The following UTP4 variants were observed in gnomAD, a reference collection of about 807,000 sequenced individuals.
UTP4 encodes the protein UTP4 small subunit processome component.
In UTP4, 45 loss-of-function variants were observed where a neutral mutation model predicts 82.4. That is an observed-to-expected ratio of 0.55 (90% CI 0.43 to 0.70). The LOEUF is 0.70. UTP4 is among the 30% of genes least tolerant of loss of function. The pLI, the probability that UTP4 is intolerant of heterozygous loss-of-function variation, is 0.00. For synonymous variants in UTP4, 348 were observed against 300.3 expected (o/e 1.16, Z -1.64); for missense variants, 819 against 858.3 (o/e 0.95, Z 0.57).
intron 6 of UTP4, among the ~76,000 whole-genome samples, chr16:69,145,073 C>T (rs763888091): frequency 1.5e-4 from 22 of 151,574 alleles, no homozygotes; most frequent in Non-Finnish European, 2.8e-4. Context: ...ACCCGGGAGT[C>T]GGAGGTTGCA....
chr16:69,139,738 CTA>C (rs1436181136), intron 4 of UTP4, 85 bp from the exon 5 acceptor site: 1 of 844,330 alleles, frequency 1.2e-6, no homozygotes, highest in Middle Eastern at 2.2e-4. Context: ...GTAGAACACT[CTA>C]GAGATAGTTG....
intron 6 of UTP4, among the ~76,000 whole-genome samples, chr16:69,150,254 TTCTC>T (rs768088490): frequency 2.6e-5 from 4 of 152,324 alleles, no homozygotes; most frequent in African/African-American, 9.6e-5. Flanking sequence ...CCTAGGTATT[TTCTC>T]TCTCTCAATG....
At chr16:69,135,220 T>C (rs1274341908) in intron 2 of UTP4, among the ~76,000 whole-genome samples, 1 of 152,162 alleles carries the variant, frequency 6.6e-6, no homozygotes, top group Non-Finnish European at 1.5e-5. Context: ...AAGCCACTGC[T>C]TAATGTTTCT....
At chr16:69,156,071 C>T in intron 11 of UTP4, 78 bp downstream of exon 11, 1 of 1,422,042 alleles carries the variant, frequency 7.0e-7, no homozygotes, top group South Asian at 1.1e-5. Context: ...TGGAAATCAA[C>T]TGGATGTGAA....
Position 69,141,420 on chromosome 16 carries a change from C to G in UTP4, c.526+1506C>G, listed in dbSNP as rs1426387378. Among the ~76,000 whole-genome samples, 4 of 152,218 alleles carry G rather than the reference C, an allele frequency of 2.6e-5. No individual in the cohort carries two copies. The East Asian group carries it at 7.7e-4, about 29-fold the overall frequency. On this transcript the variant is annotated intron_variant, in intron 5 of 16. Transcript: ENST00000314423. ...GCCCTGGCTCCGCTGTCTTCCAGCT[C>G]CTCGTATTATTAGCAAGTAAGCTGC...
Position 69,155,898 on chromosome 16 carries a change from A to G in UTP4, c.1192A>G (p.Ile398Val), listed in dbSNP as rs80198404. 2.0e-5 allele frequency: 33 copies of G among 1,614,014 alleles called. No homozygotes were observed. Among genetic ancestry groups the G allele is most frequent in the Non-Finnish European group, 2.8e-5 (33 of 1,179,936 alleles). Residue 398 changes from isoleucine (I) to valine (V), a missense_variant, in exon 11 of 17, where the codon ATC becomes GTC. Coordinates refer to ENST00000314423, the MANE Select transcript of UTP4 (RefSeq NM_032830.3). ...KGPENIICSCISPCGSWIAYS... is the reference protein window; with the variant it reads ...KGPENIICSCVSPCGSWIAYS... ...TCCTGAGAACATTATCTGTAGCTGTATCTCCCCATGTGGAAGTTGGATAGC... is the reference window on the plus strand; with the variant it reads ...TCCTGAGAACATTATCTGTAGCTGTGTCTCCCCATGTGGAAGTTGGATAGC...
In UTP4 at chr16:69,136,717, C is replaced by A; in HGVS notation, c.181C>A (p.Arg61=). Residue 61 remains arginine (R), a synonymous_variant, in exon 3 of 17, where the codon CGG becomes AGG. Transcript: ENST00000314423. The part of the protein sequence containing the change: ...QEKFFPGHES[R]ATEALCWAEG... ...GCAGTTTTTCCCAGGTCATGAGTCTCGGGCTACAGAAGCTTTGTGCTGGGC... is the reference window on the plus strand; with the variant it reads ...GCAGTTTTTCCCAGGTCATGAGTCTAGGGCTACAGAAGCTTTGTGCTGGGC... 6.2e-7 allele frequency: 1 copy of A among 1,613,986 alleles called. No individual in the cohort carries two copies. Among genetic ancestry groups the A allele is most frequent in the Non-Finnish European group, 8.5e-7 (1 of 1,179,920 alleles).
Position 69,132,677 on chromosome 16 carries a change from C to A in UTP4, c.-15C>A. ...GAGAGGCGAGCACCGGGAAGGGGAG[C>A]GTGGGGCCGCTGGTGAGTTGGGGAA... is the stretch of plus-strand genomic sequence containing the variant. On this transcript the variant is annotated 5_prime_UTR_variant, in exon 1 of 17. Coordinates refer to ENST00000314423, the MANE Select transcript of UTP4 (RefSeq NM_032830.3). 3.0e-6 allele frequency: 1 copy of A among 330,950 alleles called. No homozygotes were observed. Among genetic ancestry groups the A allele is most frequent in the Non-Finnish European group, 5.9e-6 (1 of 170,034 alleles). The allele number at this position is 330,950 out of a possible 1,614,324, so 20.5% of individuals were successfully genotyped here. A position where few individuals can be genotyped will look rare whatever the true frequency, so the allele number is the denominator to read the frequency against.
intron 12 of UTP4, among the ~76,000 whole-genome samples, chr16:69,157,549 C>T (rs1963452601): frequency 6.6e-6 from 1 of 152,172 alleles, no homozygotes; most frequent in African/African-American, 2.4e-5. Flanking sequence ...GCAATCCTGA[C>T]ACCCAGAAAT....
At chr16:69,143,103 C>A in intron 5 of UTP4, 75 bp from the exon 6 acceptor site, 1 of 1,489,156 alleles carries the variant, frequency 6.7e-7, no homozygotes, top group Non-Finnish European at 9.4e-7. Flanking sequence ...AGCAGTCCTT[C>A]CACTTTGGCC....
chr16:69,135,984 G>A (rs370009484), intron 2 of UTP4, among the ~76,000 whole-genome samples: 4 of 152,176 alleles, frequency 2.6e-5, no homozygotes, highest in African/African-American at 9.7e-5. Context: ...AGCTGAGATG[G>A]CGCCATTGCA....
chr16:69,143,424 C>A, intron 6 of UTP4, 35 bp downstream of exon 6: 1 of 1,585,532 alleles, frequency 6.3e-7, no homozygotes, highest in Non-Finnish European at 8.7e-7. Flanking sequence ...GGTTGATGTA[C>A]ACCCTTGTGG....
chr16:69,147,178 AAATAATAAT>A (rs59985843), intron 6 of UTP4, among the ~76,000 whole-genome samples: 2,149 of 132,478 alleles, frequency 0.016, 59 homozygotes, highest in South Asian at 0.085. Context: ...CTCCAGCTCA[AAATAATAAT>A]AATAATAATA....
At chr16:69,141,822 CT>C (rs1301721053) in intron 5 of UTP4, among the ~76,000 whole-genome samples, 2 of 150,800 alleles carry the variant, frequency 1.3e-5, no homozygotes, top group Admixed American at 1.3e-4. Context: ...TCTTCTCTTT[CT>C]TTTTTTATTT....
chr16:69,145,550 G>A (rs535502467), intron 6 of UTP4, among the ~76,000 whole-genome samples: 4 of 152,156 alleles, frequency 2.6e-5, no homozygotes, highest in South Asian at 2.1e-4. Context: ...ACCGCCCCTG[G>A]CTTTTTCTTT....
intron 9 of UTP4, among the ~76,000 whole-genome samples, chr16:69,154,061 C>T (rs1487577120): frequency 6.6e-6 from 1 of 152,086 alleles, no homozygotes; most frequent in Admixed American, 6.6e-5. Context: ...GGAGTGACAG[C>T]CTAGTGGCCT....
intron 11 of UTP4, 64 bp from the exon 12 acceptor site, chr16:69,157,020 A>T: frequency 6.4e-7 from 1 of 1,562,040 alleles, no homozygotes; most frequent in African/African-American, 1.4e-5. Context: ...CCTAGCTGTG[A>T]TTGTTTCTGA....
rs552048582 is a variant in UTP4, at chr16:69,146,229, G to A, written c.738+2840G>A. Among the ~76,000 whole-genome samples, 14 of 152,026 alleles carry A rather than the reference G, an allele frequency of 9.2e-5. No homozygotes were observed. The East Asian group carries it at 2.3e-3, about 25-fold the overall frequency. On this transcript the variant is annotated intron_variant, in intron 6 of 16. Transcript: ENST00000314423. Reference sequence around the variant, plus strand: ...TTTCAGTGGAATAAAGTTCATTCACGTTGTTGTACAGCTATCACCACTATC... The same window carrying A: ...TTTCAGTGGAATAAAGTTCATTCACATTGTTGTACAGCTATCACCACTATC...
chr16:69,143,277 T>C lies in UTP4; in HGVS notation c.626T>C (p.Ile209Thr). The change falls in exon 6 of 17, where the codon ATC becomes ACC. Residue 209 changes from isoleucine (I) to threonine (T), a missense_variant. Ile to Thr is a moderately conservative substitution (Grantham distance 89, BLOSUM62 -1). Transcript: ENST00000314423. ...GTCGCCTTCTTGTCCGATGGCACTA[T>C]CATAAGTGTGGACTCTGCTGGGAAG... ...WGVAFLSDGT[I>T]ISVDSAGKVQ... 1.2e-6 allele frequency: 2 copies of C among 1,614,234 alleles called. No individual in the cohort carries two copies. The highest frequency in any genetic ancestry group is 1.7e-6 in the Non-Finnish European group (2 of 1,180,044).
Sources: allele counts gnomAD v4.1 joint callset (sites outside exome capture counted in the v4.1 genomes callset), GRCh38; gene constraint gnomAD v4.1.1; transcripts MANE v1.5; gene names NCBI Gene and HGNC (gene_info 2026-07-23, HGNC 2026-07-21).